SNTG2: variants seen among roughly 807,000 people sequenced by gnomAD.
The protein encoded by SNTG2 is syntrophin gamma 2, also known as gamma-2-syntrophin.
In SNTG2, 74 loss-of-function variants were observed where a neutral mutation model predicts 70.9. The ratio of observed to expected loss-of-function variants is 1.04; its 90% CI spans 0.86 to 1.27. SNTG2 has a LOEUF of 1.27. Among genes scored for constraint, SNTG2 ranks in the 50% most tolerant of loss-of-function variants. The pLI is 0.00. For missense variants in SNTG2, 717 were observed against 690.7 expected (o/e 1.04, Z -0.43); for synonymous variants, 278 against 273.8 (o/e 1.02, Z -0.15).
At chr2:1,297,483 TGCCCA>T (rs1680266104) in intron 14 of SNTG2, among the ~76,000 whole-genome samples, 1 of 152,054 alleles carries the variant, frequency 6.6e-6, no homozygotes, top group Non-Finnish European at 1.5e-5. Flanking sequence ...ACACAGGGGC[TGCCCA>T]GCCCGGCGCC....
At chr2:952,956 T>C (rs537178967) in intron 1 of SNTG2, among the ~76,000 whole-genome samples, 16 of 151,460 alleles carry the variant, frequency 1.1e-4, no homozygotes, top group African/African-American at 3.9e-4. Context: ...TGTAATTATT[T>C]AATCATTTCA....
intron 6 of SNTG2, among the ~76,000 whole-genome samples, chr2:1,155,904 C>T (rs1040594847): frequency 1.1e-4 from 16 of 152,062 alleles, no homozygotes; most frequent in African/African-American, 3.4e-4. Context: ...GGAATGCAAG[C>T]GCTGCTCCCC....
intron 1 of SNTG2, among the ~76,000 whole-genome samples, chr2:1,081,674 C>G (rs1298128041): frequency 6.6e-6 from 1 of 152,248 alleles, no homozygotes; most frequent in Admixed American, 6.5e-5. Flanking sequence ...GCTGGTGGAT[C>G]CACAGACGTC....
chr2:1,012,610 G>A (rs1348591194), intron 1 of SNTG2, among the ~76,000 whole-genome samples: 1 of 132,590 alleles, frequency 7.5e-6, no homozygotes. Flanking sequence ...AGGGTGGTCT[G>A]GAAAGGGATT....
intron 16 of SNTG2, among the ~76,000 whole-genome samples, chr2:1,332,037 T>A (rs1659558256): frequency 6.6e-6 from 1 of 152,160 alleles, no homozygotes; most frequent in Admixed American, 6.5e-5. Flanking sequence ...TCCAAGGACA[T>A]GCGCTGCAAC....
intron 1 of SNTG2, among the ~76,000 whole-genome samples, chr2:996,396 C>T (rs894761290): frequency 6.6e-6 from 1 of 152,008 alleles, no homozygotes; most frequent in Non-Finnish European, 1.5e-5. Flanking sequence ...TGTGCTTGTT[C>T]CTGAGCCTAA....
chr2:1,209,844 A>C lies in SNTG2; in HGVS notation c.719+614A>C, dbSNP rs182782175. ...AATTTCCTTTTTCTGTTCTTTAGAC[A>C]GATGTGTAGAAATAGCAAACCTTCT... On this transcript the variant is annotated intron_variant, in intron 9 of 16. Coordinates refer to ENST00000308624, the MANE Select transcript of SNTG2 (RefSeq NM_018968.4). Among the ~76,000 whole-genome samples, 5 of 152,248 alleles carry C rather than the reference A, an allele frequency of 3.3e-5. No homozygotes were observed. The East Asian group carries it at 9.7e-4, about 29-fold the overall frequency.
chr2:1,097,700 G>A lies in SNTG2; in HGVS notation c.211-496G>A, dbSNP rs781463886. 5.1e-4 allele frequency among the ~76,000 whole-genome samples: 77 copies of A among 151,986 alleles called. No homozygotes were observed. Among genetic ancestry groups the A allele is most frequent in the Non-Finnish European group, 5.9e-4 (40 of 67,998 alleles). On this transcript the variant is annotated intron_variant, in intron 2 of 16. Transcript: ENST00000308624. The surrounding 1 kb of genome is among the most constrained non-coding windows in gnomAD (Gnocchi z 4.1). ...ATATCCCAGACATCTGTGGTCAGAG[G>A]ACGTGAAAAAATGGATCATTCATGA...
At chr2:989,310 CAGGGATA>C (rs1013348038) in intron 1 of SNTG2, among the ~76,000 whole-genome samples, 5 of 151,942 alleles carry the variant, frequency 3.3e-5, no homozygotes, top group Admixed American at 6.6e-5. Context: ...TTCCTGATTT[CAGGGATA>C]AATAGTCCCT....
intron 16 of SNTG2, among the ~76,000 whole-genome samples, chr2:1,358,044 C>G (rs1469005169): frequency 6.6e-6 from 1 of 152,080 alleles, no homozygotes; most frequent in Non-Finnish European, 1.5e-5. Context: ...ATTTCTTTCT[C>G]TATTGCAGAT....
intron 14 of SNTG2, among the ~76,000 whole-genome samples, chr2:1,301,814 A>G (rs916269473): frequency 7.9e-5 from 12 of 152,220 alleles, no homozygotes; most frequent in African/African-American, 2.9e-4. Flanking sequence ...TAGTATCAGC[A>G]GATCTATCCA....
chr2:1,232,749 A>G (rs1020468982), intron 9 of SNTG2, among the ~76,000 whole-genome samples: 1 of 152,264 alleles, frequency 6.6e-6, no homozygotes, highest in Non-Finnish European at 1.5e-5. Flanking sequence ...AAAAAATAAT[A>G]TACTACAGAG....
Position 1,216,717 on chromosome 2 carries a change from G to C in SNTG2, c.719+7487G>C, listed in dbSNP as rs540546759. 2.0e-5 allele frequency among the ~76,000 whole-genome samples: 3 copies of C among 152,342 alleles called. No individual in the cohort carries two copies. The South Asian group carries it at 6.2e-4, about 32-fold the overall frequency. On this transcript the variant is annotated intron_variant, in intron 9 of 16. Transcript: ENST00000308624. ...GACAGGAGAGTCCCTCTGGGTCCTT[G>C]TGTGAACAGTAGTAATGTGGTTAGG...
rs1030339254 is a variant in SNTG2, at chr2:1,148,451, G to A, written c.411+10642G>A. On this transcript the variant is annotated intron_variant, in intron 6 of 16. Transcript: ENST00000308624. ...CCAGAGCTGGGGAGGCTGCGGGGCTGCTGTGCTGCTGCTGTGTGTGTTTTG... is the reference window on the plus strand; with the variant it reads ...CCAGAGCTGGGGAGGCTGCGGGGCTACTGTGCTGCTGCTGTGTGTGTTTTG... 4.6e-5 allele frequency among the ~76,000 whole-genome samples: 7 copies of A among 152,210 alleles called. No homozygotes were observed. In the East Asian group the frequency reaches 1.2e-3, roughly 25 times the overall value.
intron 14 of SNTG2, among the ~76,000 whole-genome samples, chr2:1,303,666 G>A (rs549983386): frequency 1.3e-5 from 2 of 152,146 alleles, no homozygotes; most frequent in South Asian, 4.1e-4. Context: ...GTAAAACAAA[G>A]AGCTGTTTCT....
intron 1 of SNTG2, among the ~76,000 whole-genome samples, chr2:1,024,808 C>G (rs1660384589): frequency 6.6e-6 from 1 of 152,170 alleles, no homozygotes; most frequent in Non-Finnish European, 1.5e-5. Context: ...AAAACATTGT[C>G]AAGCAAGGTG....
At chr2:1,142,428 A>G (rs1427557942) in intron 6 of SNTG2, among the ~76,000 whole-genome samples, 1 of 152,222 alleles carries the variant, frequency 6.6e-6, no homozygotes, top group Non-Finnish European at 1.5e-5. Flanking sequence ...GCCCAGTACC[A>G]TGCCTGCTCA....
chr2:1,149,688 T>TAGATGGAA (rs1558458355), intron 6 of SNTG2, among the ~76,000 whole-genome samples: 1 of 141,754 alleles, frequency 7.1e-6, no homozygotes, highest in Non-Finnish European at 1.5e-5. Context: ...TTTTTTTTTT[T>TAGATGGAA]TTTTTTTTTT....
At chr2:1,069,104 T>C (rs576356361) in intron 1 of SNTG2, among the ~76,000 whole-genome samples, 1 of 152,322 alleles carries the variant, frequency 6.6e-6, no homozygotes, top group African/African-American at 2.4e-5. Context: ...TGGTTTATGA[T>C]GGAAGGTGTT....
Sources: allele counts gnomAD v4.1 joint callset (sites outside exome capture counted in the v4.1 genomes callset), GRCh38; gene constraint gnomAD v4.1.1; non-coding constraint Gnocchi (gnomAD v3.1); transcripts MANE v1.5; gene names NCBI Gene and HGNC (gene_info 2026-07-23, HGNC 2026-07-21).